Variants in RTN1 observed in about 807,000 individuals in gnomAD.
RTN1 encodes reticulon 1.
In RTN1, 25 loss-of-function variants were observed where a neutral mutation model predicts 65.5. The ratio of observed to expected loss-of-function variants is 0.38; its 90% CI spans 0.28 to 0.53. The LOEUF is 0.53. RTN1 is among the 20% of genes least tolerant of loss of function. The pLI is 0.79. For missense variants in RTN1, 983 were observed against 1,025.4 expected, an observed-to-expected ratio of 0.96 and a Z score of 0.57; for synonymous variants, 471 against 447.6, an observed-to-expected ratio of 1.05 and a Z score of -0.66.
intron 3 of RTN1, among the ~76,000 whole-genome samples, chr14:59,611,072 G>A (rs1276254673): frequency 6.6e-6 from 1 of 152,208 alleles, no homozygotes; most frequent in African/African-American, 2.4e-5. Context: ...ACTGATTTGA[G>A]TAATAACAAA....
chr14:59,662,573 C>T (rs1040022850), intron 3 of RTN1, among the ~76,000 whole-genome samples: 2 of 151,956 alleles, frequency 1.3e-5, no homozygotes, highest in African/African-American at 4.8e-5. Flanking sequence ...TTGGACATTT[C>T]GGTTGGTTCC....
At chr14:59,820,455 T>G (rs1421846036) in intron 1 of RTN1, among the ~76,000 whole-genome samples, 1 of 151,166 alleles carries the variant, frequency 6.6e-6, no homozygotes, top group Non-Finnish European at 1.5e-5. Flanking sequence ...TTTTGGAGAC[T>G]TTGTCATGAA....
In RTN1 at chr14:59,843,087, C is replaced by A. The variant is rs571405283; in HGVS notation, c.241+27303G>T. On this transcript the variant is annotated intron_variant, in intron 1 of 8. Transcript: ENST00000267484. ...CTTTAAAAAAGTCCCAAATATCCAC[C>A]AACAAGTGAAGGGATAAACAAATTA... Among the ~76,000 whole-genome samples the A allele has an allele frequency of 9.8e-4, 148 of 151,676 alleles. 1 individual carries two copies. Among genetic ancestry groups the A allele is most frequent in the Non-Finnish European group, 1.7e-3 (114 of 67,986 alleles).
intron 1 of RTN1, among the ~76,000 whole-genome samples, chr14:59,757,124 G>A (rs1293485898): frequency 1.3e-5 from 2 of 152,160 alleles, no homozygotes; most frequent in Non-Finnish European, 2.9e-5. Flanking sequence ...GAATGTCTGT[G>A]TTCCCCTAAA....
intron 3 of RTN1, among the ~76,000 whole-genome samples, chr14:59,654,807 C>T (rs1883090975): frequency 6.6e-6 from 1 of 152,028 alleles, no homozygotes; most frequent in African/African-American, 2.4e-5. Context: ...CAGTAGAAAA[C>T]TTCTGTAACT....
chr14:59,649,119 C>G (rs1004830686), intron 3 of RTN1, among the ~76,000 whole-genome samples: 24 of 152,196 alleles, frequency 1.6e-4, no homozygotes, highest in Middle Eastern at 3.2e-3. Flanking sequence ...TTACAACCAT[C>G]TGATCTTTGA....
intron 3 of RTN1, among the ~76,000 whole-genome samples, chr14:59,665,829 CA>C (rs1443541913): frequency 6.6e-6 from 1 of 152,040 alleles, no homozygotes; most frequent in Admixed American, 6.6e-5. Flanking sequence ...CAACAAAGAT[CA>C]AAAGAGACAA....
chr14:59,654,695 C>CA (rs1883087786), intron 3 of RTN1, among the ~76,000 whole-genome samples: 1 of 151,790 alleles, frequency 6.6e-6, no homozygotes, highest in Admixed American at 6.6e-5. Context: ...AAATTAAGGA[C>CA]AAAAACCATA....
intron 3 of RTN1, among the ~76,000 whole-genome samples, chr14:59,626,182 T>A (rs1203796466): frequency 6.6e-6 from 1 of 152,240 alleles, no homozygotes; most frequent in African/African-American, 2.4e-5. Context: ...TAAAACAGAT[T>A]ATTTCCTCGG....
At chr14:59,658,558 G>A (rs932450523) in intron 3 of RTN1, among the ~76,000 whole-genome samples, 1 of 152,356 alleles carries the variant, frequency 6.6e-6, no homozygotes, top group African/African-American at 2.4e-5. Flanking sequence ...AATCTTTGCT[G>A]CTCTGCAGCC....
At chr14:59,841,905 T>A (rs1887320452) in intron 1 of RTN1, among the ~76,000 whole-genome samples, 1 of 151,938 alleles carries the variant, frequency 6.6e-6, no homozygotes, top group Non-Finnish European at 1.5e-5. Flanking sequence ...GGCGGGTAGA[T>A]CACCTGAGGT....
intron 3 of RTN1, among the ~76,000 whole-genome samples, chr14:59,684,710 TA>T (rs1427978928): frequency 6.6e-6 from 1 of 152,132 alleles, no homozygotes; most frequent in Non-Finnish European, 1.5e-5. Flanking sequence ...AGATTTTTTT[TA>T]TATGGGGTAC....
intron 1 of RTN1, among the ~76,000 whole-genome samples, chr14:59,819,680 C>T (rs1347996523): frequency 5.3e-5 from 8 of 152,152 alleles, no homozygotes; most frequent in African/African-American, 1.4e-4. Flanking sequence ...CTGGGGGCTC[C>T]GGCATGGCGG....
At position 59,748,186 on chromosome 14, in the gene RTN1, GC is replaced by G. The variant is rs561771894; in HGVS notation, c.242-1706del. 2.4e-4 allele frequency among the ~76,000 whole-genome samples: 35 copies of G among 147,976 alleles called. No individual in the cohort carries two copies. The East Asian group carries it at 5.9e-3, about 25-fold the overall frequency. ...CAAGAAACCTCCCCTAATGCGCTTTGCCCCGATTAAGTCAGTCTGTGAGGTT... is the reference window on the plus strand; with the variant it reads ...CAAGAAACCTCCCCTAATGCGCTTTGCCCGATTAAGTCAGTCTGTGAGGTT... On this transcript the variant is annotated intron_variant, in intron 1 of 8. Coordinates refer to ENST00000267484, the MANE Select transcript of RTN1 (RefSeq NM_021136.3).
intron 1 of RTN1, among the ~76,000 whole-genome samples, chr14:59,847,476 T>C (rs1297932233): frequency 1.3e-5 from 2 of 152,246 alleles, no homozygotes; most frequent in African/African-American, 4.8e-5. Context: ...CTTTTAAGTG[T>C]TAAAATTACT....
intron 2 of RTN1, among the ~76,000 whole-genome samples, chr14:59,733,796 C>G (rs745381579): frequency 1.4e-4 from 21 of 152,244 alleles, no homozygotes; most frequent in South Asian, 6.2e-4. Context: ...GGCTTCTCAG[C>G]TGGTCTAGCC....
chr14:59,657,442 G>A (rs894410646), intron 3 of RTN1, among the ~76,000 whole-genome samples: 10 of 152,050 alleles, frequency 6.6e-5, no homozygotes, highest in African/African-American at 2.2e-4. Context: ...AAAAAAGGGT[G>A]TATGGCTGGC....
Position 59,611,752 on chromosome 14 carries a change from A to T in RTN1, c.1766-4260T>A, listed in dbSNP as rs563972399. Among the ~76,000 whole-genome samples the T allele has an allele frequency of 1.1e-4, 17 of 152,342 alleles. No homozygotes were observed. In the South Asian group the frequency reaches 3.5e-3, roughly 32 times the overall value. ...AAGATTTCGAGGAGGTTTCTCAGAC[A>T]GAGAATAGGAGGATAGTTTGGAAGG... On this transcript the variant is annotated intron_variant, in intron 3 of 8. Coordinates refer to ENST00000267484, the MANE Select transcript of RTN1 (RefSeq NM_021136.3).
At chr14:59,741,371 A>G (rs1406870147) in intron 2 of RTN1, among the ~76,000 whole-genome samples, 1 of 151,954 alleles carries the variant, frequency 6.6e-6, no homozygotes, top group Admixed American at 6.6e-5. Flanking sequence ...ACTCTCTTAC[A>G]CTTTGCCTTG....
Sources: allele counts gnomAD v4.1 joint callset (sites outside exome capture counted in the v4.1 genomes callset), GRCh38; gene constraint gnomAD v4.1.1; transcripts MANE v1.5; gene names NCBI Gene and HGNC (gene_info 2026-07-23, HGNC 2026-07-21).